The following TRANK1 variants were observed in gnomAD, a reference collection of about 807,000 sequenced individuals.
TRANK1 encodes TPR and ankyrin repeat-containing protein 1.
Under a neutral mutation model 266.0 loss-of-function variants are expected in TRANK1, and 198 were observed. The observed-to-expected ratio is 0.74, with a 90% confidence interval of 0.66 to 0.84. The LOEUF is 0.84. TRANK1 is among the 40% of genes least tolerant of loss of function. The probability of loss-of-function intolerance (pLI) is 0.00; values close to 1 mark genes in which losing one functional copy is unlikely to be tolerated. For missense variants in TRANK1, 3,326 were observed against 3,634.6 expected (o/e 0.92, Z 2.18); for synonymous variants, 1,396 against 1,384.1 (o/e 1.01, Z -0.19).
rs201403056 is a variant in TRANK1 at position 36,855,386 on chromosome 3, C to T, written c.4336G>A (p.Glu1446Lys). 1.1e-4 allele frequency: 173 copies of T among 1,613,936 alleles called. No individual in the cohort carries two copies. The highest frequency in any genetic ancestry group is 1.3e-4 in the Non-Finnish European group (158 of 1,179,904). ...ATGCATTTCATCAGCAGCGCCAGCT[C>T]GGCCTGGGTAAAGTCTTGAATCTCA... ...GDEIQDFTQA[E>K]LALLMKCIND... The change falls in exon 13 of 24, where the codon GAG (glutamate) becomes AAG (lysine). Residue 1446 changes from glutamate to lysine, a missense_variant. Glu to Lys is a moderately conservative substitution (Grantham distance 56). Coordinates refer to ENST00000645898, the MANE Select transcript of TRANK1 (RefSeq NM_001329998.2).
intron 1 of TRANK1, among the ~76,000 whole-genome samples, chr3:36,928,134 A>G (rs1172034026): frequency 6.6e-6 from 1 of 152,174 alleles, no homozygotes; most frequent in African/African-American, 2.4e-5. Context: ...AAATACATTA[A>G]TTTTAAGTTT....
chr3:36,895,751 G>A lies in TRANK1; in HGVS notation c.441C>T (p.Ser147=), dbSNP rs2079780816. ...AAGGCAAGAAACTTTGCAAAACAAT[G>A]GAGTCACCTAAAAGAAAGTTTCATA... The part of the protein sequence containing the change: ...VGVFTTMSSD[S]IVLQSFLPCF... The change falls in exon 5 of 24, where the codon TCC becomes TCT. Residue 147 remains serine (S), a synonymous_variant. Coordinates refer to ENST00000645898, the MANE Select transcript of TRANK1 (RefSeq NM_001329998.2). 1 of 1,528,918 alleles carries A rather than the reference G, an allele frequency of 6.5e-7. No individual in the cohort carries two copies. The highest frequency in any genetic ancestry group is 2.5e-5 in the East Asian group (1 of 40,724). The allele number at this position is 1,528,918 out of a possible 1,614,324, so 94.7% of individuals were successfully genotyped here.
At chr3:36,879,789 AATATATAAATATACAAAT>A (rs1303870430) in intron 8 of TRANK1, among the ~76,000 whole-genome samples, 676 of 67,214 alleles carry the variant, frequency 0.01, 94 homozygotes, top group African/African-American at 0.044. Context: ...TAAATATGTA[AATATATAAATATACAAAT>A]ATATGTAAAT....
In TRANK1 at chr3:36,855,306, C is replaced by A; in HGVS notation, c.4416G>T (p.Lys1472Asn). Reference protein sequence around the residue: ...LTGDTAQSIMKGVAFRFSDLR... With the variant: ...LTGDTAQSIMNGVAFRFSDLR... Reference sequence around the variant, plus strand: ...GATCGCTGAAGCGGAAGGCCACGCCCTTCATGATGCTCTGGGCCGTGTCCC... The same window carrying A: ...GATCGCTGAAGCGGAAGGCCACGCCATTCATGATGCTCTGGGCCGTGTCCC... The change falls in exon 13 of 24, where the codon AAG becomes AAT. Residue 1472 changes from lysine to asparagine, a missense_variant. Transcript: ENST00000645898. 1 of 1,614,058 alleles carries A rather than the reference C, an allele frequency of 6.2e-7. No individual in the cohort carries two copies. The highest frequency in any genetic ancestry group is 1.3e-5 in the African/African-American group (1 of 75,060).
chr3:36,919,883 C>T (rs2080191046), intron 1 of TRANK1, among the ~76,000 whole-genome samples: 1 of 152,148 alleles, frequency 6.6e-6, no homozygotes, highest in Non-Finnish European at 1.5e-5. Context: ...TATGAGTGTC[C>T]TCTTTTGTGA....
intron 9 of TRANK1, among the ~76,000 whole-genome samples, chr3:36,866,437 G>A (rs2079228873): frequency 6.6e-6 from 1 of 152,212 alleles, no homozygotes; most frequent in South Asian, 2.1e-4. Flanking sequence ...AGTTTATTAA[G>A]GAGGAAGACC....
rs1316282634 is a variant in TRANK1 at position 36,833,231 on chromosome 3, C to T, written c.6352G>A (p.Gly2118Arg). Reference sequence around the variant, plus strand: ...TACTTGGCATCCACCTGGGAAATCCCAAAAAACTCAAAGCAAGATTTGACC... The same window carrying T: ...TACTTGGCATCCACCTGGGAAATCCTAAAAAACTCAAAGCAAGATTTGACC... ...EMVKSCFEFF[G>R]ISQVDAKYCQ... The change falls in exon 22 of 24, where the codon GGG becomes AGG. Residue 2118 changes from glycine to arginine, a missense_variant. Coordinates refer to ENST00000645898, the MANE Select transcript of TRANK1 (RefSeq NM_001329998.2). 8 of 1,613,992 alleles carry T rather than the reference C, an allele frequency of 5.0e-6. No homozygotes were observed. Among genetic ancestry groups the T allele is most frequent in the Non-Finnish European group, 5.9e-6 (7 of 1,179,884 alleles).
In TRANK1 at chr3:36,874,008, T is replaced by C. The variant is rs1488278293; in HGVS notation, c.1078+118A>G. ...TTTTCCAAAGATTGGTAGGTCTCACTTCCATATATATATGTGTGTGTATAT... is the reference window on the plus strand; with the variant it reads ...TTTTCCAAAGATTGGTAGGTCTCACCTCCATATATATATGTGTGTGTATAT... On this transcript the variant is annotated intron_variant, in intron 9 of 23. Transcript: ENST00000645898. The C allele has an allele frequency of 6.6e-6, 6 of 903,618 alleles. No individual in the cohort carries two copies. The Admixed American group carries it at 2.2e-4, about 34-fold the overall frequency. The allele number at this position is 903,618 out of a possible 1,614,324, so 56.0% of individuals were successfully genotyped here. A position where few individuals can be genotyped will look rare whatever the true frequency, so the allele number is the denominator to read the frequency against.
At chr3:36,911,493 T>G (rs17035750) in intron 1 of TRANK1, among the ~76,000 whole-genome samples, 23,094 of 152,180 alleles carry the variant, frequency 0.15, 2,296 homozygotes, top group East Asian at 0.3. Flanking sequence ...TTCAATATTA[T>G]TTTTCATAGT....
At chr3:36,889,348 T>C (rs991002741) in intron 8 of TRANK1, among the ~76,000 whole-genome samples, 2 of 152,180 alleles carry the variant, frequency 1.3e-5, no homozygotes, top group African/African-American at 4.8e-5. Flanking sequence ...AACCAGCTTT[T>C]CCTTGCATGT....
intron 20 of TRANK1, 138 bp from the exon 21 acceptor site, chr3:36,835,045 C>A (rs770912824): frequency 5.4e-6 from 5 of 928,610 alleles, no homozygotes; most frequent in Non-Finnish European, 6.1e-6. Flanking sequence ...CTAGGCCGGG[C>A]GTGGTGGCTC....
At chr3:36,898,507 G>C (rs150331626) in intron 4 of TRANK1, among the ~76,000 whole-genome samples, 30 of 151,998 alleles carry the variant, frequency 2.0e-4, no homozygotes, top group Non-Finnish European at 3.8e-4. Flanking sequence ...CACATCAGGC[G>C]AGTAGTATAA....
At chr3:36,934,256 C>G (rs1462405386) in intron 1 of TRANK1, among the ~76,000 whole-genome samples, 2 of 152,174 alleles carry the variant, frequency 1.3e-5, no homozygotes, top group African/African-American at 4.8e-5. Flanking sequence ...TGCAGCCTTA[C>G]TTCCTACCCT....
In TRANK1 at chr3:36,832,014, C is replaced by A. The variant is rs368543909; in HGVS notation, c.7569G>T (p.Arg2523=). 1.2e-6 allele frequency: 2 copies of A among 1,613,874 alleles called. No individual in the cohort carries two copies. The highest frequency in any genetic ancestry group is 2.2e-5 in the South Asian group (2 of 91,084). ...KDVTRAIQDF[R]FHLSYLAKVL... ...CCTTGGCGAGGTAGGAGAGATGGAA[C>A]CGGAAATCCTGAATGGCTCTTGTCA... Residue 2523 remains arginine, a synonymous_variant, in exon 22 of 24, where the codon CGG becomes CGT. Transcript: ENST00000645898.
At chr3:36,835,169 A>T (rs2078751318) in intron 20 of TRANK1, among the ~76,000 whole-genome samples, 1 of 150,908 alleles carries the variant, frequency 6.6e-6, no homozygotes, top group Non-Finnish European at 1.5e-5. Context: ...AATACAAAAA[A>T]TTAGCCGGGC....
At chr3:36,942,482 C>CAAAAAAAAA (rs565174922) in intron 1 of TRANK1, among the ~76,000 whole-genome samples, 21 of 79,928 alleles carry the variant, frequency 2.6e-4, no homozygotes, top group African/African-American at 4.6e-4. Flanking sequence ...TCTTCTTCCT[C>CAAAAAAAAA]AAAAAAAAAA....
rs1264811887 is a variant in TRANK1 at position 36,857,748 on chromosome 3, C to A, written c.1974G>T (p.Gln658His). Residue 658 changes from glutamine (Q) to histidine (H), a missense_variant, in exon 13 of 24, where the codon CAG (glutamine) becomes CAT (histidine). Coordinates refer to ENST00000645898, the MANE Select transcript of TRANK1 (RefSeq NM_001329998.2). The surrounding 1 kb of genome is among the most constrained non-coding windows in gnomAD (Gnocchi z 4.3). ...ALMENRRRSR[Q>H]DSAAHLGKLS... ...GCTTCCCCAGGTGGGCAGCAGAGTC[C>A]TGCCGGCTCCTCCTCCTGTTCTCCA... 1 of 1,614,008 alleles carries A rather than the reference C, an allele frequency of 6.2e-7. No homozygotes were observed. The highest frequency in any genetic ancestry group is 1.3e-5 in the African/African-American group (1 of 75,068).
Position 36,857,360 on chromosome 3 carries a change from C to T in TRANK1, c.2362G>A (p.Glu788Lys), listed in dbSNP as rs888587782. 2 of 1,606,938 alleles carry T rather than the reference C, an allele frequency of 1.2e-6. No homozygotes were observed. The highest frequency in any genetic ancestry group is 1.7e-5 in the Admixed American group (1 of 59,392). Reference protein sequence around the residue: ...AGAPDCSEVGEGHAQVGLGAL... With the variant: ...AGAPDCSEVGKGHAQVGLGAL... ...CCAAGGCCCACCTGAGCATGTCCTT[C>T]CCCCACCTCACTACAGTCAGGGGCC... is the stretch of plus-strand genomic sequence containing the variant. The change falls in exon 13 of 24, where the codon GAA becomes AAA. Residue 788 changes from glutamate to lysine, a missense_variant. Glu to Lys is a moderately conservative substitution (Grantham distance 56). Transcript: ENST00000645898. This position sits in a 1 kb window ranked among gnomAD's most constrained non-coding sequence, Gnocchi z 4.3.
Position 36,832,934 on chromosome 3 carries a change from C to T in TRANK1, c.6649G>A (p.Glu2217Lys), listed in dbSNP as rs745824976. ...EHFHRPLRRCEAKCLVQSKMN... is the reference protein window; with the variant it reads ...EHFHRPLRRCKAKCLVQSKMN... ...TTCGACTGAACTAAACACTTGGCTT[C>T]ACAACGCCGCAGAGGCCTGTGAAAA... The change falls in exon 22 of 24, where the codon GAA (glutamate) becomes AAA (lysine). Residue 2217 changes from glutamate to lysine, a missense_variant. Transcript: ENST00000645898. 1 of 1,613,074 alleles carries T rather than the reference C, an allele frequency of 6.2e-7. No homozygotes were observed. The highest frequency in any genetic ancestry group is 8.5e-7 in the Non-Finnish European group (1 of 1,179,412).
Sources: allele counts gnomAD v4.1 joint callset (sites outside exome capture counted in the v4.1 genomes callset), GRCh38; gene constraint gnomAD v4.1.1; non-coding constraint Gnocchi (gnomAD v3.1); transcripts MANE v1.5; gene names NCBI Gene and HGNC (gene_info 2026-07-23, HGNC 2026-07-21).